Variants in TPTE observed in about 807,000 individuals in gnomAD.
TPTE encodes the protein transmembrane phosphatase with tensin homology, also known as putative tyrosine-protein phosphatase TPTE.
Under a neutral mutation model 84.1 loss-of-function variants are expected in TPTE, and 59 were observed. The ratio of observed to expected loss-of-function variants is 0.70; its 90% CI spans 0.57 to 0.87. The LOEUF (loss-of-function observed/expected upper bound fraction) is 0.87, where lower values mean the gene tolerates loss of function less well. Ranked by LOEUF, TPTE falls within the 40% of genes least tolerant of loss-of-function variation. TPTE has a pLI of 0.00. For missense variants in TPTE, 382 were observed against 659.6 expected (o/e 0.58, Z 4.61); for synonymous variants, 130 against 223.5 (o/e 0.58, Z 3.73).
At chr21:10,542,563 TCATCCATCCATCCATCCATCCATC>T in intron 6 of TPTE, 115 bp downstream of exon 6, 4 of 820,498 alleles carry the variant, frequency 4.9e-6, no homozygotes, top group Non-Finnish European at 6.9e-6. Context: ...ATCCATCCAT[TCATCCATCCATCCATCCATCCATC>T]CATTCATCCA....
intron 14 of TPTE, among the ~76,000 whole-genome samples, chr21:10,575,892 C>A (rs1347351828): frequency 6.6e-6 from 1 of 151,868 alleles, no homozygotes; most frequent in African/African-American, 2.4e-5. Flanking sequence ...GAGATACCAT[C>A]TCATGCCAGT....
chr21:10,545,574 A>G (rs1452651109), intron 7 of TPTE, among the ~76,000 whole-genome samples: 8 of 152,296 alleles, frequency 5.3e-5, no homozygotes, highest in Admixed American at 1.3e-4. Context: ...TCACCTTTCA[A>G]TGGTGGTGTC....
chr21:10,565,649 A>G (rs960227230), intron 10 of TPTE, among the ~76,000 whole-genome samples: 4 of 152,304 alleles, frequency 2.6e-5, no homozygotes, highest in African/African-American at 9.6e-5. Context: ...CACTGGCATA[A>G]AAACAGACAC....
intron 8 of TPTE, among the ~76,000 whole-genome samples, chr21:10,553,351 T>C (rs1299647797): frequency 1.3e-5 from 2 of 152,306 alleles, no homozygotes; most frequent in Non-Finnish European, 2.9e-5. Flanking sequence ...CACCAGCTTG[T>C]GTCAATGCTG....
chr21:10,603,160 C>A (rs1459379820), intron 22 of TPTE, among the ~76,000 whole-genome samples: 1 of 152,272 alleles, frequency 6.6e-6, no homozygotes, highest in African/African-American at 2.4e-5. Flanking sequence ...CTTCTGATAT[C>A]AGAAAATCCA....
At chr21:10,522,278 C>G (rs1041213227) in intron 1 of TPTE, among the ~76,000 whole-genome samples, 1 of 152,298 alleles carries the variant, frequency 6.6e-6, no homozygotes. Flanking sequence ...CCGCTCTTGG[C>G]CGTCACACTC....
Position 10,527,337 on chromosome 21 carries a change from C to T in TPTE, c.-101-18C>T. 1 of 152,802 alleles carries T rather than the reference C, an allele frequency of 6.5e-6. No homozygotes were observed. The highest frequency in any genetic ancestry group is 1.5e-5 in the Non-Finnish European group (1 of 68,108). 9.5% of individuals were successfully genotyped at this position (152,802 alleles called of 1,614,324 possible). On this transcript the variant is annotated intron_variant, in intron 2 of 23. Transcript: ENST00000618007. ...TATCTGACTTTATTTTTTGTATGTGCTTTTTACTCTTTGGTAGAGTTATGG... is the reference window on the plus strand; with the variant it reads ...TATCTGACTTTATTTTTTGTATGTGTTTTTTACTCTTTGGTAGAGTTATGG...
intron 19 of TPTE, 48 bp downstream of exon 19, chr21:10,592,421 A>C (rs769328628): frequency 6.3e-7 from 1 of 1,599,346 alleles, no homozygotes; most frequent in Non-Finnish European, 8.6e-7. Context: ...GTGTGGGTTC[A>C]GATTGCCACC....
At chr21:10,559,388 T>C in intron 8 of TPTE, 106 bp from the exon 9 acceptor site, 1 of 1,514,970 alleles carries the variant, frequency 6.6e-7, no homozygotes, top group Non-Finnish European at 8.9e-7. Context: ...AACTTCTGAA[T>C]AATTTTCTTT....
chr21:10,577,030 T>A (rs76696664), intron 14 of TPTE, among the ~76,000 whole-genome samples: 101 of 151,896 alleles, frequency 6.6e-4, no homozygotes, highest in African/African-American at 2.4e-3. Flanking sequence ...TATATGCTTT[T>A]TGCATTTGTT....
At chr21:10,558,286 C>T (rs1043269554) in intron 8 of TPTE, among the ~76,000 whole-genome samples, 14 of 152,294 alleles carry the variant, frequency 9.2e-5, no homozygotes, top group Admixed American at 5.2e-4. Flanking sequence ...TGGGATTGCT[C>T]AGTCAAATAG....
chr21:10,526,248 C>T (rs1248156131), intron 2 of TPTE, among the ~76,000 whole-genome samples: 11 of 152,308 alleles, frequency 7.2e-5, no homozygotes, highest in African/African-American at 2.2e-4. Flanking sequence ...CCCCTCATGG[C>T]CCTCAGACCA....
intron 7 of TPTE, among the ~76,000 whole-genome samples, chr21:10,544,546 G>A (rs1232530293): frequency 2.6e-4 from 40 of 152,398 alleles, no homozygotes; most frequent in African/African-American, 8.7e-4. Context: ...CACCATGCCA[G>A]ACAAATTTTT....
At chr21:10,600,384 C>T (rs370279188) in intron 21 of TPTE, among the ~76,000 whole-genome samples, 1 of 152,308 alleles carries the variant, frequency 6.6e-6, no homozygotes, top group Admixed American at 6.5e-5. Flanking sequence ...GGTGATCTGC[C>T]CACCTCAACC....
intron 3 of TPTE, among the ~76,000 whole-genome samples, chr21:10,531,686 T>C (rs1353225522): frequency 1.3e-5 from 2 of 152,304 alleles, no homozygotes; most frequent in African/African-American, 2.4e-5. Context: ...TTTGGCATTG[T>C]TGTTCTTCAT....
At chr21:10,563,197 C>T (rs929123499) in intron 10 of TPTE, among the ~76,000 whole-genome samples, 1 of 152,302 alleles carries the variant, frequency 6.6e-6, no homozygotes, top group Non-Finnish European at 1.5e-5. Context: ...AAAGACTTTT[C>T]CACACAAAAG....
At chr21:10,604,955 T>A (rs576132887) in intron 23 of TPTE, among the ~76,000 whole-genome samples, 4 of 152,422 alleles carry the variant, frequency 2.6e-5, no homozygotes, top group Admixed American at 6.5e-5. Flanking sequence ...AACCAATTTA[T>A]GCCTAGTGTT....
chr21:10,560,286 A>G (rs1169247824), intron 9 of TPTE, among the ~76,000 whole-genome samples: 1 of 152,312 alleles, frequency 6.6e-6, no homozygotes, highest in East Asian at 1.9e-4. Flanking sequence ...TCTACATAAG[A>G]GTAAGATTTC....
rs200604181 is a variant in TPTE at position 10,566,338 on chromosome 21, T to A, written c.447-1332T>A. 9.6e-4 allele frequency among the ~76,000 whole-genome samples: 147 copies of A among 152,350 alleles called. No individual in the cohort carries two copies. In the East Asian group the frequency reaches 0.017, roughly 18 times the overall value. On this transcript the variant is annotated intron_variant, in intron 10 of 23. Transcript: ENST00000618007. ...CTCACCCCAGCTAAAATGGTTTATA[T>A]CCAAAAGTCAGGCAATAACAAATCC... is the stretch of plus-strand genomic sequence containing the variant.
Sources: gnomAD v4.1 joint callset for allele counts (sites outside exome capture counted in the v4.1 genomes callset) on GRCh38, gnomAD v4.1.1 for gene constraint, MANE v1.5 for transcripts, NCBI Gene and HGNC (gene_info 2026-07-23, HGNC 2026-07-21) for gene names.